Variants in PKIB observed in about 807,000 individuals in gnomAD.
PKIB encodes cAMP-dependent protein kinase inhibitor beta, also known as PKI-beta.
PKIB carries 2 observed loss-of-function variants against 4.5 expected under a neutral mutation model. That is an observed-to-expected ratio of 0.44 (90% CI 0.18 to 1.39). The LOEUF (loss-of-function observed/expected upper bound fraction) is 1.39. Ranked by LOEUF, PKIB falls within the 40% of genes most tolerant of loss-of-function variation. PKIB has a pLI of 0.27. For synonymous variants in PKIB, 38 were observed against 36.0 expected, an observed-to-expected ratio of 1.06 and a Z score of -0.20; for missense variants, 94 against 92.6, an observed-to-expected ratio of 1.02 and a Z score of -0.06.
intron 4 of PKIB, among the ~76,000 whole-genome samples, chr6:122,721,254 G>T (rs1779729489): frequency 6.6e-6 from 1 of 152,090 alleles, no homozygotes; most frequent in African/African-American, 2.4e-5. Context: ...AGAATGTCTG[G>T]TTCCAAAGCC....
At chr6:122,590,356 A>G (rs1773980696) in intron 3 of PKIB, among the ~76,000 whole-genome samples, 1 of 152,308 alleles carries the variant, frequency 6.6e-6, no homozygotes, top group Middle Eastern at 3.4e-3. Flanking sequence ...ACCTGGTTCC[A>G]CCATTTACAG....
At chr6:122,631,771 G>T (rs938800502) in intron 1 of PKIB, among the ~76,000 whole-genome samples, 1 of 152,184 alleles carries the variant, frequency 6.6e-6, no homozygotes, top group Non-Finnish European at 1.5e-5. Context: ...CCTATATGTT[G>T]CAATGCCCTT....
chr6:122,580,534 T>C (rs1464887573), intron 2 of PKIB, among the ~76,000 whole-genome samples: 1 of 152,188 alleles, frequency 6.6e-6, no homozygotes. Context: ...TTCCTTAGCA[T>C]AATATTAAAG....
chr6:122,542,530 T>G (rs1267315160), intron 2 of PKIB, among the ~76,000 whole-genome samples: 2 of 151,980 alleles, frequency 1.3e-5, no homozygotes, highest in Admixed American at 1.3e-4. Flanking sequence ...TATAGAACAG[T>G]GGATCTTGGT....
chr6:122,691,183 T>G (rs1778339539), intron 3 of PKIB, among the ~76,000 whole-genome samples: 1 of 152,102 alleles, frequency 6.6e-6, no homozygotes, highest in Non-Finnish European at 1.5e-5. Flanking sequence ...CAGTTAAATA[T>G]TCTTGATATT....
chr6:122,653,079 G>C (rs2114885759), intron 2 of PKIB, among the ~76,000 whole-genome samples: 1 of 152,318 alleles, frequency 6.6e-6, no homozygotes, highest in East Asian at 1.9e-4. Flanking sequence ...AATAGGTTTG[G>C]AGTTTGGTTT....
chr6:122,623,271 C>A (rs927765480), intron 1 of PKIB, among the ~76,000 whole-genome samples: 4 of 152,126 alleles, frequency 2.6e-5, no homozygotes, highest in African/African-American at 7.2e-5. Context: ...ATAAATTACT[C>A]TTTAGGAGAG....
chr6:122,713,940 G>A (rs1320637816), intron 3 of PKIB, among the ~76,000 whole-genome samples: 1 of 152,086 alleles, frequency 6.6e-6, no homozygotes, highest in Non-Finnish European at 1.5e-5. Flanking sequence ...TTATTTCACA[G>A]TGTGTCAGTG....
At position 122,726,132 on chromosome 6, in the gene PKIB, A is replaced by G. The variant is rs964815332; in HGVS notation, c.*937A>G. 13 of 152,276 alleles carry G rather than the reference A, an allele frequency of 8.5e-5. No individual in the cohort carries two copies. Among genetic ancestry groups the G allele is most frequent in the Admixed American group, 6.5e-4 (10 of 15,292 alleles). 9.4% of individuals were successfully genotyped at this position (152,276 alleles called of 1,614,324 possible). A position where few individuals can be genotyped will look rare whatever the true frequency, so the allele number is the denominator to read the frequency against. ...AAATAGTAAAATACATCCTTTAAATATATATCTAAGCATATATTTTAAAAG... is the reference window on the plus strand; with the variant it reads ...AAATAGTAAAATACATCCTTTAAATGTATATCTAAGCATATATTTTAAAAG... On this transcript the variant is annotated 3_prime_UTR_variant, in exon 5 of 5. Coordinates refer to ENST00000368452, the MANE Select transcript of PKIB (RefSeq NM_181795.3).
chr6:122,609,620 TAAGA>T (rs1357788751), upstream of PKIB, among the ~76,000 whole-genome samples: 2 of 152,148 alleles, frequency 1.3e-5, no homozygotes, highest in Non-Finnish European at 2.9e-5. Context: ...GAGTACTAAT[TAAGA>T]GTTTCAGGAG....
chr6:122,658,760 A>T (rs902014811), intron 2 of PKIB, among the ~76,000 whole-genome samples: 5 of 151,470 alleles, frequency 3.3e-5, no homozygotes, highest in Admixed American at 6.6e-5. Flanking sequence ...CTTACCTTAA[A>T]TCTGAACTAG....
intron 2 of PKIB, among the ~76,000 whole-genome samples, chr6:122,533,620 TCTTG>T (rs1351454027): frequency 6.6e-6 from 1 of 152,228 alleles, no homozygotes; most frequent in East Asian, 1.9e-4. Context: ...TGTAGAATTT[TCTTG>T]CTTATGTTTT....
chr6:122,620,211 G>T (rs1775168475), intron 1 of PKIB, among the ~76,000 whole-genome samples: 1 of 152,112 alleles, frequency 6.6e-6, no homozygotes, highest in Admixed American at 6.6e-5. Context: ...AACCCCTCCT[G>T]TTCTGAACAC....
chr6:122,657,963 T>C (rs2114902814), intron 2 of PKIB, among the ~76,000 whole-genome samples: 1 of 152,300 alleles, frequency 6.6e-6, no homozygotes. Context: ...AAATTCTAAT[T>C]TTCTGCTATT....
chr6:122,687,720 G>A (rs1440917979), intron 3 of PKIB, among the ~76,000 whole-genome samples: 1 of 151,924 alleles, frequency 6.6e-6, no homozygotes, highest in African/African-American at 2.4e-5. Flanking sequence ...TTTTAGCTAT[G>A]GTAAATGAAA....
At chr6:122,555,291 A>T (rs1288276067) in intron 2 of PKIB, among the ~76,000 whole-genome samples, 2 of 152,180 alleles carry the variant, frequency 1.3e-5, no homozygotes, top group African/African-American at 4.8e-5. Flanking sequence ...ATGTACAAAG[A>T]CTGGAAATTA....
At chr6:122,688,719 A>G (rs566303725) in intron 3 of PKIB, among the ~76,000 whole-genome samples, 40 of 149,774 alleles carry the variant, frequency 2.7e-4, no homozygotes, top group African/African-American at 9.8e-4. Context: ...AAATTTATCC[A>G]TTTCTTCTAG....
chr6:122,705,488 T>G (rs941050023), intron 3 of PKIB, among the ~76,000 whole-genome samples: 2 of 152,126 alleles, frequency 1.3e-5, no homozygotes, highest in Admixed American at 6.6e-5. Context: ...TGTGGTAGAT[T>G]TGATTTAAAA....
chr6:122,691,294 C>T (rs1778345618), intron 3 of PKIB, among the ~76,000 whole-genome samples: 1 of 151,950 alleles, frequency 6.6e-6, no homozygotes, highest in African/African-American at 2.4e-5. Context: ...CTTTCTCTAC[C>T]TACTCTTTAA....
Sources: allele counts gnomAD v4.1 joint callset (sites outside exome capture counted in the v4.1 genomes callset), GRCh38; gene constraint gnomAD v4.1.1; transcripts MANE v1.5; gene names NCBI Gene and HGNC (gene_info 2026-07-23, HGNC 2026-07-21).